The following RALYL variants were observed in gnomAD, a reference collection of about 807,000 sequenced individuals.
The protein encoded by RALYL is RNA-binding Raly-like protein.
Under a neutral mutation model 35.1 loss-of-function variants are expected in RALYL, and 29 were observed. The observed-to-expected ratio is 0.83, with a 90% CI of 0.61 to 1.13. The LOEUF (loss-of-function observed/expected upper bound fraction) is 1.13, where lower values mean the gene tolerates loss of function less well. Ranked by LOEUF, RALYL falls within the 50% of genes most tolerant of loss-of-function variation. The pLI, the probability that RALYL is intolerant of heterozygous loss-of-function variation, is 0.00. For missense variants in RALYL, 359 were observed against 360.4 expected, an observed-to-expected ratio of 1.00 and a Z score of 0.03; for synonymous variants, 120 against 127.6, an observed-to-expected ratio of 0.94 and a Z score of 0.40.
intron 2 of RALYL, among the ~76,000 whole-genome samples, chr8:84,655,905 C>T (rs541813723): frequency 6.6e-6 from 1 of 152,254 alleles, no homozygotes; most frequent in African/African-American, 2.4e-5. Context: ...GTAGGATCCC[C>T]TGAATCAGCA....
At chr8:84,533,499 A>G (rs1005747965) in intron 2 of RALYL, among the ~76,000 whole-genome samples, 1 of 152,168 alleles carries the variant, frequency 6.6e-6, no homozygotes, top group Non-Finnish European at 1.5e-5. Flanking sequence ...CTTTCTTTAT[A>G]TTCGGATTAT....
At chr8:84,254,367 A>G (rs1391864127) in intron 1 of RALYL, among the ~76,000 whole-genome samples, 5 of 152,138 alleles carry the variant, frequency 3.3e-5, no homozygotes, top group Non-Finnish European at 5.9e-5. Context: ...CCTGCCCTCA[A>G]ATAATGTAGT....
intron 2 of RALYL, among the ~76,000 whole-genome samples, chr8:84,661,713 T>C (rs1045066774): frequency 6.6e-6 from 1 of 151,956 alleles, no homozygotes; most frequent in Non-Finnish European, 1.5e-5. Flanking sequence ...ACATGTGCCA[T>C]GCTGGTGCGC....
At chr8:84,557,319 T>C (rs1039683443) in intron 2 of RALYL, among the ~76,000 whole-genome samples, 5 of 152,214 alleles carry the variant, frequency 3.3e-5, no homozygotes, top group African/African-American at 9.6e-5. Context: ...AATGCCTTAC[T>C]GTGCATATGT....
intron 3 of RALYL, among the ~76,000 whole-genome samples, chr8:84,801,063 C>T (rs1377287330): frequency 6.6e-6 from 1 of 152,132 alleles, no homozygotes; most frequent in Non-Finnish European, 1.5e-5. Context: ...AGAGAAGCTG[C>T]CTCAATATAG....
At chr8:84,582,957 A>G (rs1811172492) in intron 2 of RALYL, among the ~76,000 whole-genome samples, 3 of 152,106 alleles carry the variant, frequency 2.0e-5, no homozygotes, top group Non-Finnish European at 2.9e-5. Flanking sequence ...ACTGATTTAA[A>G]TTCCTTTATT....
chr8:84,266,959 CAAAAAAA>C (rs747403533), intron 1 of RALYL, among the ~76,000 whole-genome samples: 5 of 60,398 alleles, frequency 8.3e-5, no homozygotes, highest in African/African-American at 1.9e-4. Context: ...GACTCCGTCT[CAAAAAAA>C]AAAAAAAAAA....
At chr8:84,718,908 AT>A (rs1468835441) in intron 2 of RALYL, among the ~76,000 whole-genome samples, 2 of 152,132 alleles carry the variant, frequency 1.3e-5, no homozygotes, top group South Asian at 2.1e-4. Flanking sequence ...TTAGTATATG[AT>A]ACTGAAAATT....
chr8:84,452,655 T>G (rs2133218846), intron 1 of RALYL, among the ~76,000 whole-genome samples: 1 of 152,086 alleles, frequency 6.6e-6, no homozygotes, highest in East Asian at 1.9e-4. Context: ...AGAGCTGAAA[T>G]TTTTTAAAGA....
chr8:84,725,889 T>C (rs1760847262), intron 2 of RALYL, among the ~76,000 whole-genome samples: 2 of 151,656 alleles, frequency 1.3e-5, no homozygotes, highest in Non-Finnish European at 3.0e-5. Context: ...ACACATTTAA[T>C]AGTATTAAGC....
intron 1 of RALYL, among the ~76,000 whole-genome samples, chr8:84,270,683 T>G (rs1437067980): frequency 1.3e-5 from 2 of 152,186 alleles, no homozygotes; most frequent in African/African-American, 4.8e-5. Context: ...TACTGCATGT[T>G]TTATTCCACA....
chr8:84,689,761 T>A (rs966898037), intron 2 of RALYL, among the ~76,000 whole-genome samples: 11 of 152,238 alleles, frequency 7.2e-5, no homozygotes, highest in South Asian at 2.1e-4. Context: ...CTTTTTAATG[T>A]TTGCCATTCT....
At chr8:84,553,458 A>G (rs1184238678) in intron 2 of RALYL, among the ~76,000 whole-genome samples, 1 of 152,186 alleles carries the variant, frequency 6.6e-6, no homozygotes, top group African/African-American at 2.4e-5. Context: ...TCCCCAGCCA[A>G]GACTCCTCTT....
At chr8:84,622,973 C>T (rs1414416531) in intron 2 of RALYL, among the ~76,000 whole-genome samples, 1 of 152,112 alleles carries the variant, frequency 6.6e-6, no homozygotes, top group African/African-American at 2.4e-5. Flanking sequence ...GTAACATTTT[C>T]AGTGACTATC....
chr8:84,518,811 G>A (rs776784968), intron 1 of RALYL, among the ~76,000 whole-genome samples: 1 of 152,116 alleles, frequency 6.6e-6, no homozygotes, highest in African/African-American at 2.4e-5. Flanking sequence ...ATCACTTAGC[G>A]ATCTTAACTC....
chr8:84,477,055 T>C (rs2053511223), intron 1 of RALYL, among the ~76,000 whole-genome samples: 1 of 152,134 alleles, frequency 6.6e-6, no homozygotes, highest in Admixed American at 6.5e-5. Flanking sequence ...TGGTGATAAA[T>C]TTGAAATCAT....
At chr8:84,307,436 C>CTCTTGTCAATTCCAGCTTATA (rs1410612269) in intron 1 of RALYL, among the ~76,000 whole-genome samples, 1 of 152,090 alleles carries the variant, frequency 6.6e-6, no homozygotes, top group Non-Finnish European at 1.5e-5. Context: ...AGTTTGCCCT[C>CTCTTGTCAATTCCAGCTTATA]TCTTGTCAAT....
At chr8:84,350,808 G>A (rs971681892) in intron 1 of RALYL, among the ~76,000 whole-genome samples, 3 of 150,184 alleles carry the variant, frequency 2.0e-5, no homozygotes, top group African/African-American at 5.0e-5. Context: ...GGAGGATTTG[G>A]AGCACTATTT....
chr8:84,880,975 TTATAAGGATTATATAATATCTCTACTAA>T (rs570562385), intron 7 of RALYL, among the ~76,000 whole-genome samples: 77 of 152,086 alleles, frequency 5.1e-4, no homozygotes, highest in African/African-American at 1.7e-3. Context: ...TTAAATGGTT[TTATAAGGATTATATAATATCTCTACTAA>T]AACCATTATT....
Sources: gnomAD v4.1 joint callset for allele counts (sites outside exome capture counted in the v4.1 genomes callset) on GRCh38, gnomAD v4.1.1 for gene constraint, MANE v1.5 for transcripts, NCBI Gene and HGNC (gene_info 2026-07-23, HGNC 2026-07-21) for gene names.